Variants in TDP1 observed in about 807,000 individuals in gnomAD.
The protein encoded by TDP1 is tyr-DNA phosphodiesterase 1.
TDP1 carries 64 observed loss-of-function variants against 81.5 expected under a neutral mutation model. That is an observed-to-expected ratio of 0.79 (90% CI 0.64 to 0.97). The LOEUF (loss-of-function observed/expected upper bound fraction) is 0.97. Ranked by LOEUF, TDP1 falls within the 50% of genes least tolerant of loss-of-function variation. The pLI, the probability that TDP1 is intolerant of heterozygous loss-of-function variation, is 0.00. For missense variants in TDP1, 723 were observed against 743.8 expected (o/e 0.97, Z 0.33); for synonymous variants, 256 against 264.3 (o/e 0.97, Z 0.30).
intron 11 of TDP1, 138 bp from the exon 12 acceptor site, chr14:89,989,569 TCATAAGATGA>T: frequency 9.1e-7 from 1 of 1,094,958 alleles, no homozygotes; most frequent in African/African-American, 1.6e-5. Context: ...TTCATTTTTT[TCATAAGATGA>T]GAACTTTTAA....
At chr14:89,969,417 A>G (rs1893326936) in intron 5 of TDP1, among the ~76,000 whole-genome samples, 1 of 152,220 alleles carries the variant, frequency 6.6e-6, no homozygotes, top group African/African-American at 2.4e-5. Flanking sequence ...ATAAGGATTT[A>G]TACCTCAGTA....
In TDP1 at chr14:90,019,392, G is replaced by A. The variant is rs777314131; in HGVS notation, c.1618G>A (p.Gly540Arg). The A allele has an allele frequency of 6.8e-6, 11 of 1,608,986 alleles. No individual in the cohort carries two copies. The highest frequency in any genetic ancestry group is 1.3e-5 in the African/African-American group (1 of 74,820). ...GCTGATGATCCGCTCCTACGAGCTC[G>A]GGGTCCTTTTCCTCCCTTCAGCATT... is the stretch of plus-strand genomic sequence containing the variant. The part of the protein sequence containing the change: ...TQLMIRSYEL[G>R]VLFLPSAFGL... The change falls in exon 15 of 17, where the codon GGG (glycine) becomes AGG (arginine). Residue 540 changes from glycine (G) to arginine (R), a missense_variant. Coordinates refer to ENST00000335725, the MANE Select transcript of TDP1 (RefSeq NM_018319.4).
chr14:90,022,172 T>G (rs1886163710), intron 15 of TDP1, among the ~76,000 whole-genome samples: 1 of 152,160 alleles, frequency 6.6e-6, no homozygotes, highest in Non-Finnish European at 1.5e-5. Flanking sequence ...GAGACATCCT[T>G]CCTGGGTGAG....
At position 90,019,381 on chromosome 14, in the gene TDP1, C is replaced by T. The variant is rs747853147; in HGVS notation, c.1607C>T (p.Ser536Phe). 12 of 1,612,334 alleles carry T rather than the reference C, an allele frequency of 7.4e-6. No individual in the cohort carries two copies. In the South Asian group the frequency reaches 1.2e-4, roughly 16 times the overall value. The change falls in exon 15 of 17, where the codon TCC (serine) becomes TTC (phenylalanine). Residue 536 changes from serine to phenylalanine, a missense_variant. Physicochemically the swap from Ser to Phe is radical, Grantham distance 155 (BLOSUM62 -2). Coordinates refer to ENST00000335725, the MANE Select transcript of TDP1 (RefSeq NM_018319.4). Reference sequence around the variant, plus strand: ...AATGGCACCCAGCTGATGATCCGCTCCTACGAGCTCGGGGTCCTTTTCCTC... The same window carrying T: ...AATGGCACCCAGCTGATGATCCGCTTCTACGAGCTCGGGGTCCTTTTCCTC... ...EKNGTQLMIR[S>F]YELGVLFLPS...
chr14:89,983,865 T>G (rs563948743), intron 8 of TDP1, among the ~76,000 whole-genome samples: 1 of 152,366 alleles, frequency 6.6e-6, no homozygotes, highest in East Asian at 1.9e-4. Context: ...CTGTAATGCT[T>G]CTTCAGTGAA....
intron 7 of TDP1, among the ~76,000 whole-genome samples, chr14:89,978,053 G>T (rs960135187): frequency 6.6e-6 from 1 of 152,186 alleles, no homozygotes; most frequent in Non-Finnish European, 1.5e-5. Flanking sequence ...CAAACCACAG[G>T]ATGGGCGAGG....
At chr14:89,981,641 G>C (rs1360114461) in intron 8 of TDP1, 1 of 345,136 alleles carries the variant, frequency 2.9e-6, no homozygotes, top group African/African-American at 2.2e-5. Flanking sequence ...TCCTAATTTG[G>C]AGTGTATTAC....
chr14:90,026,801 A>G (rs1446795775), intron 15 of TDP1, among the ~76,000 whole-genome samples: 1 of 152,114 alleles, frequency 6.6e-6, no homozygotes, highest in African/African-American at 2.4e-5. Flanking sequence ...ATCCTTTTTT[A>G]TGGCTGCATA....
At chr14:90,027,755 T>G (rs1886834063) in intron 15 of TDP1, among the ~76,000 whole-genome samples, 1 of 152,206 alleles carries the variant, frequency 6.6e-6, no homozygotes, top group Admixed American at 6.5e-5. Flanking sequence ...TCTACTTCCG[T>G]AGGCCCCTTT....
chr14:89,958,021 G>A (rs574720824), intron 2 of TDP1, among the ~76,000 whole-genome samples: 84 of 152,316 alleles, frequency 5.5e-4, no homozygotes, highest in African/African-American at 1.9e-3. Flanking sequence ...GAGCAAGCCT[G>A]GAGGCCCGGC....
In TDP1 at chr14:89,966,156, C is replaced by A. The variant is rs1419708049; in HGVS notation, c.569C>A (p.Ser190Tyr). The change falls in exon 4 of 17, where the codon TCT becomes TAT. Residue 190 changes from serine (S) to tyrosine (Y), a missense_variant. Transcript: ENST00000335725. Reference protein sequence around the residue: ...SGALHIKDILSPLFGTLVSSA... With the variant: ...SGALHIKDILYPLFGTLVSSA... ...TGTTTTGTCTTCTCAGATATTTTAT[C>A]TCCTTTATTTGGGACGCTTGTTTCT... is the stretch of plus-strand genomic sequence containing the variant. The A allele has an allele frequency of 6.2e-7, 1 of 1,603,630 alleles. No homozygotes were observed. The highest frequency in any genetic ancestry group is 2.2e-5 in the East Asian group (1 of 44,836).
chr14:89,959,669 CTTTGT>C (rs959719343), intron 2 of TDP1, among the ~76,000 whole-genome samples: 9 of 152,090 alleles, frequency 5.9e-5, no homozygotes, highest in African/African-American at 1.9e-4. Flanking sequence ...TTTTTTAAAG[CTTTGT>C]TTTATTTTTT....
chr14:90,035,827 CT>C (rs1322766926), intron 16 of TDP1, among the ~76,000 whole-genome samples: 1 of 151,410 alleles, frequency 6.6e-6, no homozygotes, highest in Non-Finnish European at 1.5e-5. Flanking sequence ...GCCTTGGGCC[CT>C]GCACTTCCCA....
intron 14 of TDP1, among the ~76,000 whole-genome samples, chr14:90,010,830 C>T (rs1351487432): frequency 6.6e-6 from 1 of 152,170 alleles, no homozygotes; most frequent in Non-Finnish European, 1.5e-5. Context: ...CAGCAGGAAA[C>T]TAATGGGCAC....
intron 15 of TDP1, among the ~76,000 whole-genome samples, chr14:90,025,672 G>A (rs1228342306): frequency 2.0e-5 from 3 of 152,140 alleles, no homozygotes; most frequent in Non-Finnish European, 4.4e-5. Flanking sequence ...TTTCTGGGTT[G>A]TCCCTTTAAG....
chr14:90,026,333 T>C (rs142193571), intron 15 of TDP1, among the ~76,000 whole-genome samples: 1 of 152,346 alleles, frequency 6.6e-6, no homozygotes, highest in East Asian at 1.9e-4. Context: ...GGGCAACAAT[T>C]TGACATGGCG....
intron 5 of TDP1, among the ~76,000 whole-genome samples, chr14:89,968,480 C>G (rs962644271): frequency 4.6e-5 from 7 of 152,212 alleles, no homozygotes; most frequent in African/African-American, 1.7e-4. Context: ...GGCCCACATT[C>G]TAGCTATGCC....
chr14:89,979,572 G>A (rs1894748300), intron 7 of TDP1, among the ~76,000 whole-genome samples: 1 of 152,154 alleles, frequency 6.6e-6, no homozygotes, highest in Admixed American at 6.5e-5. Context: ...GCCTCCCAAA[G>A]TGCTGGGATT....
Position 89,980,695 on chromosome 14 carries a change from A to G in TDP1, c.884+63A>G, listed in dbSNP as rs993886656. ...GTTGATAAAGGTCAAAAGCCAGAAC[A>G]TTCACTTTATTCTTTTTTCTATTTT... is the stretch of plus-strand genomic sequence containing the variant. On this transcript the variant is annotated intron_variant, in intron 8 of 16. Coordinates refer to ENST00000335725, the MANE Select transcript of TDP1 (RefSeq NM_018319.4). 21 of 1,282,390 alleles carry G rather than the reference A, an allele frequency of 1.6e-5. No homozygotes were observed. In the South Asian group the frequency reaches 2.4e-4, roughly 15 times the overall value. The allele number at this position is 1,282,390 out of a possible 1,614,324, so 79.4% of individuals were successfully genotyped here.
Sources: allele counts gnomAD v4.1 joint callset (sites outside exome capture counted in the v4.1 genomes callset), GRCh38; gene constraint gnomAD v4.1.1; transcripts MANE v1.5; gene names NCBI Gene and HGNC (gene_info 2026-07-23, HGNC 2026-07-21).